The following MAST2 variants were observed in gnomAD, a reference collection of about 807,000 sequenced individuals.
MAST2 encodes the protein microtubule associated serine/threonine kinase 2.
In MAST2, 70 loss-of-function variants were observed where a neutral mutation model predicts 147.4. The observed-to-expected ratio is 0.47, with a 90% CI of 0.39 to 0.58. MAST2 has a LOEUF of 0.58. MAST2 is among the 20% of genes least tolerant of loss of function. The pLI is 0.00. For missense variants in MAST2, 2,080 were observed against 2,302.3 expected (o/e 0.90, Z 1.98); for synonymous variants, 869 against 896.8 (o/e 0.97, Z 0.55).
intron 3 of MAST2, among the ~76,000 whole-genome samples, chr1:45,868,125 C>A (rs1646234660): frequency 6.6e-6 from 1 of 152,156 alleles, no homozygotes; most frequent in Non-Finnish European, 1.5e-5. Context: ...GGAATTGACA[C>A]TGTTTTGCTT....
At chr1:45,937,623 G>A (rs568165156) in intron 4 of MAST2, among the ~76,000 whole-genome samples, 155 of 151,634 alleles carry the variant, frequency 1.0e-3, no homozygotes, top group African/African-American at 3.6e-3. Context: ...GTAGTGTCGC[G>A]TGCCTGTAAT....
At chr1:45,820,739 G>A (rs1397541053) in intron 1 of MAST2, among the ~76,000 whole-genome samples, 1 of 150,758 alleles carries the variant, frequency 6.6e-6, no homozygotes, top group African/African-American at 2.4e-5. Flanking sequence ...TTTTCAGATG[G>A]CCTTAAGTTT....
intron 5 of MAST2, among the ~76,000 whole-genome samples, chr1:45,960,954 G>GA (rs1423465409): frequency 1.3e-5 from 2 of 152,208 alleles, no homozygotes; most frequent in Non-Finnish European, 2.9e-5. Flanking sequence ...TCTTTGGAGG[G>GA]AGAAAGTGAG....
Position 46,034,575 on chromosome 1 carries a change from C to T in MAST2, c.3906C>T (p.Ser1302=), listed in dbSNP as rs377551356. ...CATCACAGAGCAGCTCCCCCAGCTC[C>T]AGCGTGCCCAGTTCCCCAGCCGGCT... ...GNSSQSSSPS[S]SVPSSPAGSG... is the part of the protein sequence containing the mutation. Residue 1302 remains serine (S), a synonymous_variant, in exon 29 of 29, where the codon TCC becomes TCT. Transcript: ENST00000361297. 41 of 1,613,976 alleles carry T rather than the reference C, an allele frequency of 2.5e-5. No individual in the cohort carries two copies. In the African/African-American group the frequency reaches 5.2e-4, roughly 20 times the overall value.
chr1:45,804,165 G>A (rs1644070167), intron 1 of MAST2, 93 bp downstream of exon 1: 4 of 1,262,512 alleles, frequency 3.2e-6, no homozygotes, highest in East Asian at 3.2e-5. Context: ...AGCTTTGGAG[G>A]GGTGGGGTCT....
chr1:45,908,860 CTT>C (rs1260146489), intron 4 of MAST2, among the ~76,000 whole-genome samples: 1 of 152,130 alleles, frequency 6.6e-6, no homozygotes, highest in Non-Finnish European at 1.5e-5. Flanking sequence ...AGCAGCCTGA[CTT>C]TTGAGTTTCC....
intron 3 of MAST2, among the ~76,000 whole-genome samples, chr1:45,878,501 C>G (rs1246544625): frequency 1.3e-5 from 2 of 151,954 alleles, no homozygotes; most frequent in Admixed American, 1.3e-4. Flanking sequence ...AGAAGCAAGA[C>G]GAGGATGTCT....
In MAST2 at chr1:46,031,548, C is replaced by G; in HGVS notation, c.3150C>G (p.Ser1050=). 1 of 1,614,020 alleles carries G rather than the reference C, an allele frequency of 6.2e-7. No individual in the cohort carries two copies. Among genetic ancestry groups the G allele is most frequent in the South Asian group, 1.1e-5 (1 of 91,076 alleles). ...TARPVNKVIK[S]ASATALSLLI... is the part of the protein sequence containing the mutation. ...GCCCTGTCAACAAAGTGATCAAGTC[C>G]GCCTCAGCCACAGCCCTCTCACTCC... Residue 1050 remains serine, a synonymous_variant, in exon 24 of 29, where the codon TCC becomes TCG. Coordinates refer to ENST00000361297, the MANE Select transcript of MAST2 (RefSeq NM_015112.3). The surrounding 1 kb of genome is among the most constrained non-coding windows in gnomAD (Gnocchi z 4.1).
At chr1:45,868,382 A>G (rs892111186) in intron 3 of MAST2, among the ~76,000 whole-genome samples, 1 of 152,232 alleles carries the variant, frequency 6.6e-6, no homozygotes, top group Non-Finnish European at 1.5e-5. Flanking sequence ...TAATTTCCAC[A>G]TTATTTGCCC....
At chr1:46,004,828 C>A (rs1223024243) in intron 7 of MAST2, among the ~76,000 whole-genome samples, 2 of 152,092 alleles carry the variant, frequency 1.3e-5, no homozygotes, top group Non-Finnish European at 2.9e-5. Context: ...GTAGCTCAGG[C>A]CTATAATCTC....
chr1:45,941,855 C>G (rs1657344316), intron 4 of MAST2, among the ~76,000 whole-genome samples: 1 of 151,998 alleles, frequency 6.6e-6, no homozygotes, highest in South Asian at 2.1e-4. Context: ...AGTTTTTGTC[C>G]TTTATTCTTG....
At chr1:45,942,071 A>G (rs1026512629) in intron 4 of MAST2, among the ~76,000 whole-genome samples, 1 of 152,168 alleles carries the variant, frequency 6.6e-6, no homozygotes, top group Admixed American at 6.5e-5. Flanking sequence ...GTCCTCCTGA[A>G]AGAGTCTCAG....
At chr1:45,976,909 A>AGACGAACCCAGGAT (rs1393599464) in intron 5 of MAST2, among the ~76,000 whole-genome samples, 7 of 152,234 alleles carry the variant, frequency 4.6e-5, no homozygotes. Context: ...AGGGGGAGGA[A>AGACGAACCCAGGAT]GACGAACCCA....
At chr1:45,922,405 C>T (rs1469515065) in intron 4 of MAST2, among the ~76,000 whole-genome samples, 1 of 152,196 alleles carries the variant, frequency 6.6e-6, no homozygotes, top group African/African-American at 2.4e-5. Context: ...TAAGGGGTGC[C>T]TGCAGGCCAG....
chr1:46,027,798 A>C lies in MAST2; in HGVS notation c.1987A>C (p.Ser663Arg), dbSNP rs1164894720. Residue 663 changes from serine (S) to arginine (R), a missense_variant, in exon 17 of 29, where the codon AGT becomes CGT. Ser to Arg is a moderately radical substitution (Grantham distance 110). Around this residue, in one of 4 missense-constraint regions of MAST2, gnomAD observed 209 missense variants for 309.5 expected, o/e 0.68. Transcript: ENST00000361297. ...DFGLSKIGLM[S>R]LTTNLYEGHI... ...TGGACTGTCCAAAATTGGCCTCATG[A>C]GTCTGACAACGAACTTGTATGAGGG... is the stretch of plus-strand genomic sequence containing the variant. 1 of 1,614,074 alleles carries C rather than the reference A, an allele frequency of 6.2e-7. No homozygotes were observed. The highest frequency in any genetic ancestry group is 8.5e-7 in the Non-Finnish European group (1 of 1,180,044).
intron 8 of MAST2, 44 bp downstream of exon 8, chr1:46,006,439 A>C (rs751013538): frequency 6.3e-7 from 1 of 1,584,426 alleles, no homozygotes; most frequent in African/African-American, 1.3e-5. Flanking sequence ...TGTGGATTTC[A>C]GCTTGTTTGC....
chr1:46,033,962 G>A, intron 27 of MAST2, 24 bp downstream of exon 27: 1 of 1,613,404 alleles, frequency 6.2e-7, no homozygotes, highest in Non-Finnish European at 8.5e-7. Flanking sequence ...AGTGAAGAGG[G>A]TTTTCTCTGA....
At chr1:45,917,101 TA>T (rs1652662928) in intron 4 of MAST2, among the ~76,000 whole-genome samples, 1 of 152,164 alleles carries the variant, frequency 6.6e-6, no homozygotes, top group African/African-American at 2.4e-5. Context: ...TAAAAATAAA[TA>T]ACAAATATGT....
At chr1:45,880,235 T>C (rs961612658) in intron 3 of MAST2, among the ~76,000 whole-genome samples, 1 of 152,228 alleles carries the variant, frequency 6.6e-6, no homozygotes, top group African/African-American at 2.4e-5. Context: ...ATATTGCCAT[T>C]GTTACCTGCA....
Sources: allele counts gnomAD v4.1 joint callset (sites outside exome capture counted in the v4.1 genomes callset), GRCh38; gene constraint gnomAD v4.1.1; regional missense constraint gnomAD v4.1.1; non-coding constraint Gnocchi (gnomAD v3.1); transcripts MANE v1.5; gene names NCBI Gene and HGNC (gene_info 2026-07-23, HGNC 2026-07-21).